SLC2A2: variants seen among roughly 807,000 people sequenced by gnomAD.
SLC2A2 encodes solute carrier family 2, facilitated glucose transporter member 2.
In SLC2A2, 36 loss-of-function variants were observed where a neutral mutation model predicts 54.5. That is an observed-to-expected ratio of 0.66 (90% confidence interval 0.51 to 0.87). The LOEUF is 0.87. SLC2A2 is among the 40% of genes least tolerant of loss of function. The pLI is 0.00. For synonymous variants in SLC2A2, 223 were observed against 219.1 expected, an observed-to-expected ratio of 1.02 and a Z score of -0.16; for missense variants, 543 against 624.3, an observed-to-expected ratio of 0.87 and a Z score of 1.39.
At chr3:171,007,080 A>G (rs1297806626) in intron 5 of SLC2A2, 68 bp downstream of exon 5, 2 of 856,458 alleles carry the variant, frequency 2.3e-6, no homozygotes, top group Non-Finnish European at 4.0e-6. Flanking sequence ...GGGATGCAAT[A>G]GTAGTAGTGG....
intron 4 of SLC2A2, among the ~76,000 whole-genome samples, chr3:171,008,951 C>G (rs1715743639): frequency 6.6e-6 from 1 of 152,028 alleles, no homozygotes; most frequent in Non-Finnish European, 1.5e-5. Flanking sequence ...TTCAACTGAT[C>G]ATTGAAGATA....
At chr3:170,998,502 G>T in intron 9 of SLC2A2, 106 bp from the exon 10 acceptor site, 1 of 837,794 alleles carries the variant, frequency 1.2e-6, no homozygotes, top group African/African-American at 1.7e-5. Flanking sequence ...TTTTTCTAAT[G>T]TATTTTGTTC....
intron 4 of SLC2A2, 125 bp from the exon 5 acceptor site, chr3:171,007,388 C>G: frequency 1.4e-6 from 1 of 698,692 alleles, no homozygotes; most frequent in Non-Finnish European, 2.6e-6. Context: ...AAGGATGAAC[C>G]CTTGTTCCTA....
chr3:171,019,908 G>C (rs1164951210), intron 1 of SLC2A2, among the ~76,000 whole-genome samples: 1 of 152,178 alleles, frequency 6.6e-6, no homozygotes, highest in African/African-American at 2.4e-5. Context: ...TGTGAGGTTG[G>C]AGAAGGAGAG....
At position 171,005,757 on chromosome 3, in the gene SLC2A2, G is replaced by A. The variant is rs915780172; in HGVS notation, c.775+186C>T. On this transcript the variant is annotated intron_variant, in intron 6 of 10. Transcript: ENST00000314251. ...CCTCTGGTTGAGTCTAATACCGTGTGTATGGATTTCTGGTTTCGGCTTAAG... is the reference window on the plus strand; with the variant it reads ...CCTCTGGTTGAGTCTAATACCGTGTATATGGATTTCTGGTTTCGGCTTAAG... Among the ~76,000 whole-genome samples, 42 of 152,144 alleles carry A rather than the reference G, an allele frequency of 2.8e-4. 1 individual carries two copies. Among genetic ancestry groups the A allele is most frequent in the Admixed American group, 2.4e-3 (36 of 15,260 alleles).
rs1715226089 is a variant in SLC2A2 at position 170,999,092 on chromosome 3, G to A, written c.1143C>T (p.Ile381=). ...IGMSGMFVCA[I]FMSVGLVLLN... ...GCAGCACAAGTCCCACTGACATGAAGATGGCACAAACAAACATCCCACTCA... is the reference window on the plus strand; with the variant it reads ...GCAGCACAAGTCCCACTGACATGAAAATGGCACAAACAAACATCCCACTCA... Residue 381 remains isoleucine, a synonymous_variant, in exon 9 of 11, where the codon ATC becomes ATT. Coordinates refer to ENST00000314251, the MANE Select transcript of SLC2A2 (RefSeq NM_000340.2). 6.2e-7 allele frequency: 1 copy of A among 1,612,712 alleles called. No homozygotes were observed. The highest frequency in any genetic ancestry group is 8.5e-7 in the Non-Finnish European group (1 of 1,179,032).
At chr3:171,002,189 G>A (rs147277226) in intron 8 of SLC2A2, among the ~76,000 whole-genome samples, 234 of 152,012 alleles carry the variant, frequency 1.5e-3, no homozygotes, top group African/African-American at 5.3e-3. Context: ...TGTAAAAAGA[G>A]GAATCTAAGT....
chr3:171,019,075 GTA>G (rs201104047), intron 1 of SLC2A2, among the ~76,000 whole-genome samples: 25,022 of 134,244 alleles, frequency 0.19, 3,084 homozygotes, highest in African/African-American at 0.37. Context: ...GTGTGTGTGT[GTA>G]TATATATATG....
chr3:171,005,632 G>C (rs1715559753), intron 6 of SLC2A2, among the ~76,000 whole-genome samples, 160 bp from the exon 7 acceptor site: 1 of 151,978 alleles, frequency 6.6e-6, no homozygotes, highest in African/African-American at 2.4e-5. Flanking sequence ...CCTGCTCTTT[G>C]ATTTAAAAGA....
At chr3:171,009,915 GTGTGTGTGT>G in intron 4 of SLC2A2, 34 bp downstream of exon 4, 12 of 1,143,892 alleles carry the variant, frequency 1.0e-5, no homozygotes, top group Middle Eastern at 2.3e-4. Context: ...AAAGGTAGGT[GTGTGTGTGT>G]GTGTGTGTGT....
chr3:171,007,449 T>G (rs1370781116), intron 4 of SLC2A2, 186 bp from the exon 5 acceptor site: 2 of 597,566 alleles, frequency 3.3e-6, no homozygotes, highest in South Asian at 1.9e-5. Flanking sequence ...TCATATGCAG[T>G]TGTAGTTGGA....
At chr3:171,005,809 T>C (rs1715570115) in intron 6 of SLC2A2, 134 bp downstream of exon 6, 1 of 858,680 alleles carries the variant, frequency 1.2e-6, no homozygotes, top group East Asian at 2.6e-5. Context: ...CCAAATGACA[T>C]GCACCAGTCA....
chr3:171,018,384 C>T, intron 2 of SLC2A2, 147 bp downstream of exon 2: 1 of 727,100 alleles, frequency 1.4e-6, no homozygotes, highest in Non-Finnish European at 2.5e-6. Context: ...AAGTTATCAG[C>T]TTTGGAACAG....
At chr3:171,018,333 C>CT (rs1182656892) in intron 2 of SLC2A2, among the ~76,000 whole-genome samples, 198 bp downstream of exon 2, 1 of 150,502 alleles carries the variant, frequency 6.6e-6, no homozygotes, top group Non-Finnish European at 1.5e-5. Context: ...TTATTGCCTC[C>CT]TTTTTTTTCC....
intron 1 of SLC2A2, among the ~76,000 whole-genome samples, chr3:171,019,606 A>G (rs7643425): frequency 0.2 from 30,678 of 152,106 alleles, 4,396 homozygotes; most frequent in African/African-American, 0.41. Flanking sequence ...AAATTGTAGA[A>G]AGAACCCAAA....
intron 9 of SLC2A2, 111 bp downstream of exon 9, chr3:170,998,954 C>T (rs918548070): frequency 7.7e-6 from 6 of 782,564 alleles, no homozygotes; most frequent in Admixed American, 1.7e-5. Context: ...GGCTTTATTT[C>T]GTAAGTCAGT....
chr3:171,000,900 A>G (rs766077665), intron 8 of SLC2A2, among the ~76,000 whole-genome samples: 37 of 152,176 alleles, frequency 2.4e-4, no homozygotes, highest in Non-Finnish European at 4.3e-4. Flanking sequence ...TATCCTTTTT[A>G]TACTTTTTGA....
At chr3:171,018,130 A>G (rs1359931018) in intron 2 of SLC2A2, among the ~76,000 whole-genome samples, 1 of 152,188 alleles carries the variant, frequency 6.6e-6, no homozygotes, top group South Asian at 2.1e-4. Context: ...CAGGTGCTCA[A>G]AAAATGTCCC....
intron 2 of SLC2A2, among the ~76,000 whole-genome samples, chr3:171,017,369 C>A (rs1716201700): frequency 6.6e-6 from 1 of 152,210 alleles, no homozygotes. Context: ...GCCTGCCACA[C>A]TCCTGATGAT....
Sources: gnomAD v4.1 joint callset for allele counts (sites outside exome capture counted in the v4.1 genomes callset) on GRCh38, gnomAD v4.1.1 for gene constraint, MANE v1.5 for transcripts, NCBI Gene and HGNC (gene_info 2026-07-23, HGNC 2026-07-21) for gene names.